The following VWCE variants were observed in gnomAD, a reference collection of about 807,000 sequenced individuals.
The protein encoded by VWCE is von Willebrand factor C and EGF domains.
In VWCE, 68 loss-of-function variants were observed where a neutral mutation model predicts 102.9. The observed-to-expected ratio is 0.66, with a 90% CI of 0.54 to 0.81. The LOEUF is 0.81. VWCE is among the 30% of genes least tolerant of loss of function. The pLI is 0.00. For synonymous variants in VWCE, 497 were observed against 515.4 expected, an observed-to-expected ratio of 0.96 and a Z score of 0.48; for missense variants, 1,137 against 1,263.6, an observed-to-expected ratio of 0.90 and a Z score of 1.52.
At chr11:61,275,498 G>A (rs950250234) in intron 11 of VWCE, among the ~76,000 whole-genome samples, 1 of 152,092 alleles carries the variant, frequency 6.6e-6, no homozygotes, top group Non-Finnish European at 1.5e-5. Context: ...TAAAAATAAT[G>A]TAACATTTAA....
intron 11 of VWCE, among the ~76,000 whole-genome samples, chr11:61,275,618 G>C (rs1291904261): frequency 6.6e-6 from 1 of 152,176 alleles, no homozygotes; most frequent in Non-Finnish European, 1.5e-5. Flanking sequence ...GCAGTGACTT[G>C]AACTTTCCAA....
intron 6 of VWCE, 132 bp from the exon 7 acceptor site, chr11:61,282,046 T>G: frequency 1.5e-6 from 2 of 1,372,402 alleles, no homozygotes; most frequent in Non-Finnish European, 1.9e-6. Flanking sequence ...TGCCCCGAGG[T>G]GCGGGATGTG....
intron 14 of VWCE, chr11:61,269,522 T>C (rs556797174): frequency 1.9e-5 from 3 of 156,122 alleles, no homozygotes; most frequent in Non-Finnish European, 4.3e-5. Flanking sequence ...CTTGGCTCAC[T>C]GCAAACTCCA....
chr11:61,264,657 AC>A, intron 18 of VWCE, 80 bp from the exon 19 acceptor site: 1 of 1,424,562 alleles, frequency 7.0e-7, no homozygotes, highest in Non-Finnish European at 9.7e-7. Context: ...GGCCTCTTGC[AC>A]CAGCAGCAGG....
At chr11:61,276,111 A>G (rs1027604611) in intron 11 of VWCE, among the ~76,000 whole-genome samples, 5 of 152,236 alleles carry the variant, frequency 3.3e-5, no homozygotes, top group African/African-American at 1.2e-4. Context: ...ACACACACAA[A>G]GAAGCAAAAT....
Position 61,264,482 on chromosome 11 carries a change from C to G in VWCE, c.2230+5G>C. On this transcript the variant is annotated splice_donor_5th_base_variant and intron_variant, in intron 19 of 19. Coordinates refer to ENST00000335613, the MANE Select transcript of VWCE (RefSeq NM_152718.2). Reference sequence around the variant, plus strand: ...AGAAACTCCAGGACCCAGAGACCCACTTACCTGGACAGGAAGAGCAGCAGT... The same window carrying G: ...AGAAACTCCAGGACCCAGAGACCCAGTTACCTGGACAGGAAGAGCAGCAGT... The G allele has an allele frequency of 6.2e-7, 1 of 1,613,050 alleles. No homozygotes were observed. Among genetic ancestry groups the G allele is most frequent in the Non-Finnish European group, 8.5e-7 (1 of 1,179,596 alleles).
chr11:61,292,815 G>T (rs764749330), intron 1 of VWCE, among the ~76,000 whole-genome samples: 1 of 152,112 alleles, frequency 6.6e-6, no homozygotes, highest in African/African-American at 2.4e-5. Flanking sequence ...GGAGGGTCAG[G>T]GGGGGTTCCT....
At chr11:61,286,266 C>A (rs745661628) in intron 5 of VWCE, 48 bp downstream of exon 5, 1 of 1,539,592 alleles carries the variant, frequency 6.5e-7, no homozygotes, top group Admixed American at 1.7e-5. Flanking sequence ...TTCAATGTGG[C>A]ATCCCCATTA....
chr11:61,294,811 A>G lies in VWCE; in HGVS notation c.110+117T>C. The G allele has an allele frequency of 3.2e-6, 2 of 622,432 alleles. No homozygotes were observed. The highest frequency in any genetic ancestry group is 4.8e-6 in the Non-Finnish European group (2 of 412,610). 38.6% of individuals were successfully genotyped at this position (622,432 alleles called of 1,614,324 possible). On this transcript the variant is annotated intron_variant, in intron 1 of 19. Transcript: ENST00000335613. This position sits in a 1 kb window ranked among gnomAD's most constrained non-coding sequence, Gnocchi z 6.3. ...GCTGTGCCCGCGCTGATAGCACCCC[A>G]GAGGAAGCCCCGACACGCGGCTGCC...
At chr11:61,259,574 C>T (rs1854294705) in intron 19 of VWCE, among the ~76,000 whole-genome samples, 1 of 152,194 alleles carries the variant, frequency 6.6e-6, no homozygotes, top group Admixed American at 6.5e-5. Context: ...AAAATGGGCA[C>T]AGCAGTAAGG....
chr11:61,264,837 CGGAGGATGGCA>C (rs1251656034), intron 18 of VWCE, 108 bp downstream of exon 18: 1 of 1,138,412 alleles, frequency 8.8e-7, no homozygotes, highest in East Asian at 2.4e-5. Context: ...TAATTAAAGG[CGGAGGATGGCA>C]GGAGGATGGA....
rs141541175 is a variant in VWCE, at chr11:61,280,976, G to A, written c.1047C>T (p.Ser349=). 3.9e-6 allele frequency: 6 copies of A among 1,537,618 alleles called. No homozygotes were observed. In the African/African-American group the frequency reaches 4.1e-5, roughly 11 times the overall value. Residue 349 remains serine (S), a synonymous_variant, in exon 8 of 20, where the codon TCC becomes TCT. Coordinates refer to ENST00000335613, the MANE Select transcript of VWCE (RefSeq NM_152718.2). ...AGGGGGGTCTGAGGTTCCCCAGCAG[G>A]GAGGCAGTAGGCACTGGGGTGGCCA... ...TLLATPVPTA[S]LLGNLRPPSL...
chr11:61,276,952 G>A (rs1252535012), intron 10 of VWCE, among the ~76,000 whole-genome samples: 2 of 120,254 alleles, frequency 1.7e-5, no homozygotes, highest in Non-Finnish European at 3.5e-5. Context: ...GGAAGGGGAG[G>A]GGAGGGGAGG....
At chr11:61,272,863 C>A (rs1233043980) in intron 13 of VWCE, among the ~76,000 whole-genome samples, 1 of 151,890 alleles carries the variant, frequency 6.6e-6, no homozygotes, top group Non-Finnish European at 1.5e-5. Context: ...AAAACACAGA[C>A]ACATACACAC....
At chr11:61,290,093 A>T (rs1855453109) in intron 4 of VWCE, among the ~76,000 whole-genome samples, 1 of 152,164 alleles carries the variant, frequency 6.6e-6, no homozygotes, top group South Asian at 2.1e-4. Context: ...CCCCTGGCCA[A>T]CCCTCCCAAC....
chr11:61,274,145 C>T (rs1344582491), intron 12 of VWCE, among the ~76,000 whole-genome samples: 1 of 152,138 alleles, frequency 6.6e-6, no homozygotes, highest in African/African-American at 2.4e-5. Flanking sequence ...GTCCCTACCA[C>T]CCTCCAGGTC....
Position 61,258,452 on chromosome 11 carries a change from G to T in VWCE, c.*223C>A. The stretch of plus-strand genomic sequence containing the variant: ...TGAGCCAGCCACGCGGTCCAGGGAG[G>T]ATGCTGACAGTGGAAACGACTTCCT... On this transcript the variant is annotated 3_prime_UTR_variant, in exon 20 of 20. Coordinates refer to ENST00000335613, the MANE Select transcript of VWCE (RefSeq NM_152718.2). 2.4e-6 allele frequency: 1 copy of T among 424,516 alleles called. No individual in the cohort carries two copies. The highest frequency in any genetic ancestry group is 3.9e-6 in the Non-Finnish European group (1 of 254,682). The allele number at this position is 424,516 out of a possible 1,614,324, so 26.3% of individuals were successfully genotyped here. A position where few individuals can be genotyped will look rare whatever the true frequency, so the allele number is the denominator to read the frequency against.
intron 15 of VWCE, among the ~76,000 whole-genome samples, chr11:61,268,681 AC>A (rs1408789761): frequency 6.6e-6 from 1 of 152,220 alleles, no homozygotes; most frequent in Non-Finnish European, 1.5e-5. Flanking sequence ...CAATTGTCTC[AC>A]AGGTGCAGCT....
At chr11:61,291,380 C>T (rs535061141) in intron 2 of VWCE, 27 bp from the exon 3 acceptor site, 76 of 1,605,152 alleles carry the variant, frequency 4.7e-5, no homozygotes, top group Admixed American at 1.0e-4. Context: ...AGGTGAGACA[C>T]GAGGAACTGG....
Sources: allele counts gnomAD v4.1 joint callset (sites outside exome capture counted in the v4.1 genomes callset), GRCh38; gene constraint gnomAD v4.1.1; non-coding constraint Gnocchi (gnomAD v3.1); transcripts MANE v1.5; gene names NCBI Gene and HGNC (gene_info 2026-07-23, HGNC 2026-07-21).